NRXN1: variants seen among roughly 807,000 people sequenced by gnomAD.
NRXN1 encodes the protein neurexin-1.
A neutral mutation model predicts 150.9 loss-of-function variants in NRXN1; 39 were observed. That is an observed-to-expected ratio of 0.26 (90% CI 0.20 to 0.34). The LOEUF (loss-of-function observed/expected upper bound fraction) is 0.34. Ranked by LOEUF, NRXN1 falls within the 10% of genes least tolerant of loss-of-function variation. NRXN1 has a pLI of 1.00. For synonymous variants in NRXN1, 924 were observed against 757.0 expected (o/e 1.22, Z -3.62); for missense variants, 1,815 against 1,949.9 (o/e 0.93, Z 1.30).
chr2:50,707,100 T>C (rs969471445), intron 5 of NRXN1, among the ~76,000 whole-genome samples: 2 of 152,186 alleles, frequency 1.3e-5, no homozygotes, highest in African/African-American at 4.8e-5. Flanking sequence ...GTCTGAATAT[T>C]TTCTAAAGGA....
At chr2:50,506,760 G>A in intron 12 of NRXN1, 143 bp from the exon 13 acceptor site, 1 of 816,724 alleles carries the variant, frequency 1.2e-6, no homozygotes, top group Non-Finnish European at 1.8e-6. Flanking sequence ...AGAGAGAGGA[G>A]GGAGAGAAAG....
chr2:51,019,994 A>C (rs1669336632), intron 2 of NRXN1, among the ~76,000 whole-genome samples: 1 of 151,906 alleles, frequency 6.6e-6, no homozygotes, highest in South Asian at 2.1e-4. Context: ...CTTTGTAACT[A>C]AGCTTTTTTG....
chr2:50,825,386 G>A (rs565650195), intron 5 of NRXN1, among the ~76,000 whole-genome samples: 1 of 152,246 alleles, frequency 6.6e-6, no homozygotes, highest in South Asian at 2.1e-4. Context: ...CAGAATTAGA[G>A]GGTTAAAACT....
intron 17 of NRXN1, among the ~76,000 whole-genome samples, chr2:50,361,545 C>T (rs1191776008): frequency 6.6e-6 from 1 of 152,134 alleles, no homozygotes; most frequent in Non-Finnish European, 1.5e-5. Flanking sequence ...TATATACACC[C>T]TCCGAAGACT....
chr2:50,447,938 A>G (rs533934382), intron 17 of NRXN1, among the ~76,000 whole-genome samples: 2 of 151,580 alleles, frequency 1.3e-5, no homozygotes, highest in East Asian at 2.0e-4. Context: ...GTGAACAAAC[A>G]TGATAATAAG....
intron 17 of NRXN1, among the ~76,000 whole-genome samples, chr2:50,420,970 GT>G: frequency 4.0e-5 from 3 of 75,910 alleles, no homozygotes; most frequent in Admixed American, 1.3e-4. Flanking sequence ...ACCTGTGTGT[GT>G]GTGTGTGTGT....
intron 5 of NRXN1, among the ~76,000 whole-genome samples, chr2:50,652,166 A>T (rs540449537): frequency 6.6e-6 from 1 of 152,014 alleles, no homozygotes; most frequent in South Asian, 2.1e-4. Flanking sequence ...CCCTTTTTGA[A>T]ATGTTGTCTT....
intron 18 of NRXN1, among the ~76,000 whole-genome samples, chr2:50,223,647 G>T (rs1520528): frequency 0.13 from 19,207 of 151,820 alleles, 1,330 homozygotes; most frequent in African/African-American, 0.17. Context: ...TAACAGTAAT[G>T]AACAGATGAC....
intron 5 of NRXN1, among the ~76,000 whole-genome samples, chr2:50,788,377 G>A (rs1370880633): frequency 2.6e-5 from 4 of 152,016 alleles, no homozygotes; most frequent in South Asian, 2.1e-4. Flanking sequence ...ATGAGCCACC[G>A]CGCCCGGCCT....
At chr2:50,790,025 T>G (rs534674686) in intron 5 of NRXN1, among the ~76,000 whole-genome samples, 50 of 152,240 alleles carry the variant, frequency 3.3e-4, no homozygotes, top group African/African-American at 1.1e-3. Flanking sequence ...GGTGGTGACA[T>G]GCTGGCCTCT....
chr2:50,634,123 G>A (rs1458660753), intron 5 of NRXN1, among the ~76,000 whole-genome samples: 4 of 152,120 alleles, frequency 2.6e-5, no homozygotes, highest in African/African-American at 4.8e-5. Context: ...TCTAAATTTT[G>A]GGCAAACTCT....
chr2:50,534,561 CT>C (rs1216266792), intron 10 of NRXN1, among the ~76,000 whole-genome samples: 1 of 152,028 alleles, frequency 6.6e-6, no homozygotes, highest in Non-Finnish European at 1.5e-5. Context: ...GAGAAAAATG[CT>C]TGTGGTATAA....
At chr2:50,940,008 T>G (rs943008275) in intron 2 of NRXN1, among the ~76,000 whole-genome samples, 1 of 152,210 alleles carries the variant, frequency 6.6e-6, no homozygotes, top group Admixed American at 6.5e-5. Context: ...GACTTTCTTA[T>G]GAAGGGATTA....
chr2:50,513,942 T>C (rs759356886), intron 12 of NRXN1, among the ~76,000 whole-genome samples: 5 of 152,210 alleles, frequency 3.3e-5, no homozygotes, highest in African/African-American at 4.8e-5. Context: ...GTGGTGCATA[T>C]ATTTTAAAGA....
chr2:50,399,463 GT>G (rs1433217694), intron 17 of NRXN1, among the ~76,000 whole-genome samples: 59 of 152,040 alleles, frequency 3.9e-4, no homozygotes, highest in Non-Finnish European at 1.5e-5. Flanking sequence ...GATTACCACA[GT>G]TGGGAAAAAT....
At chr2:50,180,310 C>A (rs1004919655) in intron 18 of NRXN1, among the ~76,000 whole-genome samples, 8 of 152,112 alleles carry the variant, frequency 5.3e-5, no homozygotes, top group Admixed American at 2.0e-4. Flanking sequence ...CAGGGGTGAG[C>A]CACTGTGCCA....
chr2:50,014,391 A>G (rs1242043264), intron 21 of NRXN1, among the ~76,000 whole-genome samples: 2 of 152,110 alleles, frequency 1.3e-5, no homozygotes, highest in Non-Finnish European at 2.9e-5. Flanking sequence ...TTTTGTAACC[A>G]TGATGCAATT....
chr2:50,282,706 A>G (rs1357085410), intron 17 of NRXN1, among the ~76,000 whole-genome samples: 1 of 152,176 alleles, frequency 6.6e-6, no homozygotes, highest in African/African-American at 2.4e-5. Flanking sequence ...TCATAATGGG[A>G]AATCAGATGA....
intron 5 of NRXN1, among the ~76,000 whole-genome samples, chr2:50,795,380 C>A (rs984880645): frequency 5.3e-5 from 8 of 152,100 alleles, no homozygotes; most frequent in African/African-American, 1.4e-4. Context: ...TCAGCGGCAT[C>A]AGTTTATTTT....
Sources: gnomAD v4.1 joint callset for allele counts (sites outside exome capture counted in the v4.1 genomes callset) on GRCh38, gnomAD v4.1.1 for gene constraint, MANE v1.5 for transcripts, NCBI Gene and HGNC (gene_info 2026-07-23, HGNC 2026-07-21) for gene names.